Variants in RELCH observed in about 807,000 individuals in gnomAD.
RELCH encodes the protein RAB11-binding protein RELCH.
In RELCH, 41 loss-of-function variants were observed where a neutral mutation model predicts 150.3. That is an observed-to-expected ratio of 0.27 (90% CI 0.21 to 0.35). The LOEUF is 0.35. RELCH is among the 10% of genes least tolerant of loss of function. The pLI is 1.00. For missense variants in RELCH, 1,092 were observed against 1,467.8 expected (o/e 0.74, Z 4.18); for synonymous variants, 478 against 531.8 (o/e 0.90, Z 1.39).
intron 25 of RELCH, chr18:62,285,644 A>G (rs1450536842): frequency 1.3e-5 from 2 of 152,118 alleles, no homozygotes; most frequent in African/African-American, 2.4e-5. Context: ...TAGTCCATCA[A>G]CTCGGGAGGC....
chr18:62,308,145 G>A lies in RELCH; in HGVS notation c.*2611G>A, dbSNP rs2045927816. On this transcript the variant is annotated 3_prime_UTR_variant, in exon 29 of 29. Transcript: ENST00000644646. ...TCACATTCTTGTTTTTAAAAAGTTGGCTCAAATAGTCTCTCTTAAAATTTA... is the reference window on the plus strand; with the variant it reads ...TCACATTCTTGTTTTTAAAAAGTTGACTCAAATAGTCTCTCTTAAAATTTA... 6.6e-6 allele frequency: 1 copy of A among 152,088 alleles called. No homozygotes were observed. The highest frequency in any genetic ancestry group is 1.5e-5 in the Non-Finnish European group (1 of 68,004). The allele number at this position is 152,088 out of a possible 1,614,324, so 9.4% of individuals were successfully genotyped here. A position where few individuals can be genotyped will look rare whatever the true frequency, so the allele number is the denominator to read the frequency against.
At chr18:62,265,777 A>G (rs2043525362) in intron 18 of RELCH, among the ~76,000 whole-genome samples, 1 of 151,986 alleles carries the variant, frequency 6.6e-6, no homozygotes, top group South Asian at 2.1e-4. Context: ...AATTTGCTTC[A>G]GTGTCTTTTA....
chr18:62,269,536 T>A (rs2043776892), intron 20 of RELCH: 1 of 239,750 alleles, frequency 4.2e-6, no homozygotes, highest in Non-Finnish European at 8.9e-6. Flanking sequence ...ATATTTTAAA[T>A]AATTTTGTGC....
chr18:62,251,918 C>T (rs1429882966), intron 11 of RELCH, among the ~76,000 whole-genome samples: 2 of 152,140 alleles, frequency 1.3e-5, no homozygotes, highest in East Asian at 3.9e-4. Flanking sequence ...GGTGTTGTCA[C>T]TGCTGGAGTG....
At chr18:62,199,679 C>A (rs1252236649) in intron 1 of RELCH, among the ~76,000 whole-genome samples, 1 of 152,204 alleles carries the variant, frequency 6.6e-6, no homozygotes. Context: ...TGAGGCCATT[C>A]ACAACATCAA....
intron 11 of RELCH, among the ~76,000 whole-genome samples, chr18:62,248,398 T>C (rs922262397): frequency 1.3e-5 from 2 of 152,192 alleles, no homozygotes; most frequent in East Asian, 3.9e-4. Context: ...ATGAAAGTCT[T>C]TGAAGTTTGA....
chr18:62,216,981 C>T (rs940596283), intron 2 of RELCH, among the ~76,000 whole-genome samples: 5 of 151,830 alleles, frequency 3.3e-5, no homozygotes, highest in Non-Finnish European at 7.4e-5. Flanking sequence ...AGGATAGGTG[C>T]TCCAACAAGG....
intron 26 of RELCH, among the ~76,000 whole-genome samples, chr18:62,290,898 T>C (rs1468575908): frequency 6.6e-6 from 1 of 152,196 alleles, no homozygotes; most frequent in Non-Finnish European, 1.5e-5. Context: ...AAAATGTATA[T>C]ATGTTATTTT....
chr18:62,237,996 A>C (rs968292617), intron 10 of RELCH, among the ~76,000 whole-genome samples: 1 of 151,894 alleles, frequency 6.6e-6, no homozygotes, highest in Non-Finnish European at 1.5e-5. Context: ...AATTCAGTGC[A>C]TCTTATTTTA....
chr18:62,252,710 C>T lies in RELCH; in HGVS notation c.1780C>T (p.Pro594Ser). ...GCVAFARHVG[P>S]TRVEAELLPQ... ...TGTGGCATTTGCGCGTCATGTTGGA[C>T]CAACACGTGTAGAAGCTGAACTTTT... is the stretch of plus-strand genomic sequence containing the variant. Residue 594 changes from proline to serine, a missense_variant, in exon 12 of 29, where the codon CCA becomes TCA. Coordinates refer to ENST00000644646, the MANE Select transcript of RELCH (RefSeq NM_001346231.2). 1 of 1,613,948 alleles carries T rather than the reference C, an allele frequency of 6.2e-7. No homozygotes were observed. Among genetic ancestry groups the T allele is most frequent in the Admixed American group, 1.7e-5 (1 of 60,014 alleles).
At chr18:62,241,831 A>G (rs919730644) in intron 10 of RELCH, among the ~76,000 whole-genome samples, 3 of 152,200 alleles carry the variant, frequency 2.0e-5, no homozygotes, top group Admixed American at 6.5e-5. Context: ...AGTGTTTCAG[A>G]GGCTTGAAAG....
In RELCH at chr18:62,187,761, G is replaced by C. The variant is rs1345104312; in HGVS notation, c.256G>C (p.Gly86Arg). Residue 86 changes from glycine to arginine, a missense_variant, in exon 1 of 29, where the codon GGG becomes CGG. Coordinates refer to ENST00000644646, the MANE Select transcript of RELCH (RefSeq NM_001346231.2). ...SAAAVALGGTGETPARLSIDA... is the reference protein window; with the variant it reads ...SAAAVALGGTRETPARLSIDA... ...GGCTGCAGTGGCCCTGGGGGGCACCGGGGAGACCCCGGCCCGATTATCAAT... is the reference window on the plus strand; with the variant it reads ...GGCTGCAGTGGCCCTGGGGGGCACCCGGGAGACCCCGGCCCGATTATCAAT... 6.2e-7 allele frequency: 1 copy of C among 1,611,096 alleles called. No individual in the cohort carries two copies. Among genetic ancestry groups the C allele is most frequent in the Non-Finnish European group, 8.5e-7 (1 of 1,178,588 alleles).
chr18:62,301,755 G>A (rs1319545474), intron 28 of RELCH, among the ~76,000 whole-genome samples: 1 of 152,226 alleles, frequency 6.6e-6, no homozygotes, highest in Non-Finnish European at 1.5e-5. Flanking sequence ...GAATAGAGAA[G>A]TGGGTGGAAG....
At position 62,187,661 on chromosome 18, in the gene RELCH, G is replaced by C. The variant is rs200431709; in HGVS notation, c.156G>C (p.Ala52=). The change falls in exon 1 of 29, where the codon GCG becomes GCC. Residue 52 remains alanine, a synonymous_variant. Coordinates refer to ENST00000644646, the MANE Select transcript of RELCH (RefSeq NM_001346231.2). ...GAAGTGGCCTAGATCCTGGCTCTGC[G>C]GGCTCGCTGTCGCCACAGGATCCCG... is the stretch of plus-strand genomic sequence containing the variant. ...GAGSGLDPGS[A]GSLSPQDPVA... is the part of the protein sequence containing the mutation. 237 of 1,561,138 alleles carry C rather than the reference G, an allele frequency of 1.5e-4. No individual in the cohort carries two copies. In the Middle Eastern group the frequency reaches 5.0e-3, roughly 33 times the overall value.
chr18:62,256,350 A>C (rs879353471), intron 13 of RELCH, among the ~76,000 whole-genome samples: 8 of 151,994 alleles, frequency 5.3e-5, no homozygotes, highest in Non-Finnish European at 1.2e-4. Context: ...AGTACCTTGG[A>C]GTTTTTATTT....
chr18:62,230,280 C>T (rs1336977249), intron 8 of RELCH, among the ~76,000 whole-genome samples: 3 of 151,832 alleles, frequency 2.0e-5, no homozygotes, highest in African/African-American at 7.3e-5. Flanking sequence ...ATGGGCAATA[C>T]AGCAAGACCC....
At chr18:62,289,880 A>G (rs1464270695) in intron 26 of RELCH, among the ~76,000 whole-genome samples, 2 of 152,246 alleles carry the variant, frequency 1.3e-5, no homozygotes, top group East Asian at 1.9e-4. Context: ...AAGTAGGGCC[A>G]TATTCAGCTT....
intron 1 of RELCH, among the ~76,000 whole-genome samples, chr18:62,209,135 C>G (rs2039999104): frequency 6.6e-6 from 1 of 152,172 alleles, no homozygotes; most frequent in Non-Finnish European, 1.5e-5. Context: ...TTCACACATT[C>G]AAAGGAGTAG....
At chr18:62,261,880 T>C (rs970409446) in intron 16 of RELCH, among the ~76,000 whole-genome samples, 3 of 152,060 alleles carry the variant, frequency 2.0e-5, no homozygotes, top group Non-Finnish European at 4.4e-5. Flanking sequence ...ATAATACTTA[T>C]ACTTTCTTGT....
Sources: gnomAD v4.1 joint callset for allele counts (sites outside exome capture counted in the v4.1 genomes callset) on GRCh38, gnomAD v4.1.1 for gene constraint, MANE v1.5 for transcripts, NCBI Gene and HGNC (gene_info 2026-07-23, HGNC 2026-07-21) for gene names.